The following MTNR1B variants were observed in gnomAD, a reference collection of about 807,000 sequenced individuals.
The protein encoded by MTNR1B is melatonin receptor type 1B.
MTNR1B carries 7 observed loss-of-function variants against 7.0 expected under a neutral mutation model. That is an observed-to-expected ratio of 1.00 (90% CI 0.57 to 1.88). MTNR1B has a LOEUF of 1.88. Among genes scored for constraint, MTNR1B ranks in the 40% most tolerant of loss-of-function variants. The pLI, the probability that MTNR1B is intolerant of heterozygous loss-of-function variation, is 0.00. For synonymous variants in MTNR1B, 226 were observed against 208.2 expected (o/e 1.09, Z -0.74); for missense variants, 478 against 486.5 (o/e 0.98, Z 0.16).
In MTNR1B at chr11:92,981,655, C is replaced by T. The variant is rs1416779600; in HGVS notation, c.432C>T (p.His144=). The change falls in exon 2 of 2, where the codon CAC becomes CAT. Residue 144 remains histidine (H), a synonymous_variant. Coordinates refer to ENST00000257068, the MANE Select transcript of MTNR1B (RefSeq NM_005959.5). The stretch of plus-strand genomic sequence containing the variant: ...TTAACCGCTACTGCTACATCTGCCA[C>T]AGCATGGCCTACCACCGAATCTACC... The part of the protein sequence containing the change: ...IAINRYCYIC[H]SMAYHRIYRR... The T allele has an allele frequency of 5.0e-6, 8 of 1,614,200 alleles. No homozygotes were observed. The highest frequency in any genetic ancestry group is 1.1e-5 in the South Asian group (1 of 91,084).
downstream of MTNR1B, among the ~76,000 whole-genome samples, chr11:92,983,418 T>C (rs1467360536): frequency 3.3e-5 from 5 of 149,544 alleles, no homozygotes; most frequent in Non-Finnish European, 5.9e-5. Context: ...GAGGCTGAGG[T>C]GGGAGGATCA....
Position 92,982,324 on chromosome 11 carries a change from G to C in MTNR1B, c.*12G>C, listed in dbSNP as rs1858126386. 1 of 1,602,428 alleles carries C rather than the reference G, an allele frequency of 6.2e-7. No homozygotes were observed. The highest frequency in any genetic ancestry group is 1.3e-5 in the African/African-American group (1 of 74,316). On this transcript the variant is annotated 3_prime_UTR_variant, in exon 2 of 2. Transcript: ENST00000257068. The stretch of plus-strand genomic sequence containing the variant: ...CAGATGCTCTCTAGCCTGGATCTGA[G>C]GCACACCAGCAGCATGACAAACTCA...
intron 1 of MTNR1B, among the ~76,000 whole-genome samples, chr11:92,975,698 G>T (rs1858000445): frequency 6.6e-6 from 1 of 152,178 alleles, no homozygotes; most frequent in Non-Finnish European, 1.5e-5. Context: ...GACAGCAAAT[G>T]ATGCTTAATA....
rs186765298 is a variant in MTNR1B, at chr11:92,971,286, A to G, written c.223+1338A>G. On this transcript the variant is annotated intron_variant, in intron 1 of 1. Transcript: ENST00000257068. ...AACTCTAGGATTTTTAGCTAAAAAA[A>G]CAAACAAGAAACTCCTCCAACTGTG... 1.5e-3 allele frequency among the ~76,000 whole-genome samples: 229 copies of G among 152,262 alleles called. 2 individuals carry two copies. Among genetic ancestry groups the G allele is most frequent in the Non-Finnish European group, 6.9e-4 (47 of 68,018 alleles).
chr11:92,981,415 C>T lies in MTNR1B; in HGVS notation c.224-32C>T, dbSNP rs139412849. Reference sequence around the variant, plus strand: ...CTACAGAATCTAAGTCGTGGGGTCTCGTGCTGACTGTTGCTCTGTTTGCTG... The same window carrying T: ...CTACAGAATCTAAGTCGTGGGGTCTTGTGCTGACTGTTGCTCTGTTTGCTG... On this transcript the variant is annotated intron_variant, in intron 1 of 1. Coordinates refer to ENST00000257068, the MANE Select transcript of MTNR1B (RefSeq NM_005959.5). 5.0e-4 allele frequency: 793 copies of T among 1,592,692 alleles called. 8 individuals are homozygous for T. Among genetic ancestry groups the T allele is most frequent in the Middle Eastern group, 8.4e-4 (5 of 5,938 alleles).
chr11:92,977,867 C>CTGTT (rs1406777401), intron 1 of MTNR1B, among the ~76,000 whole-genome samples: 3 of 152,218 alleles, frequency 2.0e-5, no homozygotes, highest in African/African-American at 7.2e-5. Context: ...AAGTTTAACA[C>CTGTT]TGTTAGAAAA....
chr11:92,978,881 A>G (rs1858053236), intron 1 of MTNR1B, among the ~76,000 whole-genome samples: 1 of 152,156 alleles, frequency 6.6e-6, no homozygotes, highest in Non-Finnish European at 1.5e-5. Flanking sequence ...TCACAGGGAA[A>G]CAGCTGGCAG....
In MTNR1B at chr11:92,971,252, C is replaced by T. The variant is rs1168777184; in HGVS notation, c.223+1304C>T. 1.1e-4 allele frequency among the ~76,000 whole-genome samples: 17 copies of T among 152,106 alleles called. 1 individual carries two copies. Among genetic ancestry groups the T allele is most frequent in the Admixed American group, 9.2e-4 (14 of 15,264 alleles). On this transcript the variant is annotated intron_variant, in intron 1 of 1. Coordinates refer to ENST00000257068, the MANE Select transcript of MTNR1B (RefSeq NM_005959.5). ...CTGGAATTACAGGCATGAGCCACTG[C>T]GCCCGGCCAACTCTAGGATTTTTAG...
At chr11:92,977,199 T>C (rs1858022772) in intron 1 of MTNR1B, among the ~76,000 whole-genome samples, 1 of 152,236 alleles carries the variant, frequency 6.6e-6, no homozygotes, top group African/African-American at 2.4e-5. Flanking sequence ...GTTTTTGTTT[T>C]CTAATTAAAT....
Position 92,981,859 on chromosome 11 carries a change from T to G in MTNR1B, c.636T>G (p.Pro212=). The G allele has an allele frequency of 6.2e-7, 1 of 1,614,208 alleles. No homozygotes were observed. ...TGGTGGTCATCCACTTCCTCCTCCC[T>G]ATCGCTGTCGTGTCCTTCTGCTACC... ...AAVVVIHFLL[P]IAVVSFCYLR... is the part of the protein sequence containing the mutation. The change falls in exon 2 of 2, where the codon CCT becomes CCG. Residue 212 remains proline (P), a synonymous_variant. Coordinates refer to ENST00000257068, the MANE Select transcript of MTNR1B (RefSeq NM_005959.5).
rs750653134 is a variant in MTNR1B, at chr11:92,981,692, A to G, written c.469A>G (p.Thr157Ala). 6.2e-7 allele frequency: 1 copy of G among 1,613,956 alleles called. No individual in the cohort carries two copies. The highest frequency in any genetic ancestry group is 1.1e-5 in the South Asian group (1 of 91,066). ...CCACCGAATCTACCGGCGCTGGCAC[A>G]CCCCTCTGCACATCTGCCTCATCTG... ...AYHRIYRRWH[T>A]PLHICLIWLL... The change falls in exon 2 of 2, where the codon ACC (threonine) becomes GCC (alanine). Residue 157 changes from threonine (T) to alanine (A), a missense_variant. Coordinates refer to ENST00000257068, the MANE Select transcript of MTNR1B (RefSeq NM_005959.5).
chr11:92,971,922 C>T (rs2136508988), intron 1 of MTNR1B, among the ~76,000 whole-genome samples: 1 of 152,028 alleles, frequency 6.6e-6, no homozygotes, highest in East Asian at 1.9e-4. Context: ...AGCCCAGCAC[C>T]CGAACAAAAA....
chr11:92,981,490 G>A lies in MTNR1B; in HGVS notation c.267G>A (p.Val89=). The change falls in exon 2 of 2, where the codon GTG becomes GTA. Residue 89 remains valine (V), a synonymous_variant. Transcript: ENST00000257068. ...GTCTGGCATTGGCTGACCTGGTGGTGGCCTTCTACCCCTACCCGCTAATCC... is the reference window on the plus strand; with the variant it reads ...GTCTGGCATTGGCTGACCTGGTGGTAGCCTTCTACCCCTACCCGCTAATCC... ...LVSLALADLV[V]AFYPYPLILV... 6.2e-7 allele frequency: 1 copy of A among 1,614,076 alleles called. No homozygotes were observed. The highest frequency in any genetic ancestry group is 8.5e-7 in the Non-Finnish European group (1 of 1,180,004).
rs886309653 is a variant in MTNR1B, at chr11:92,974,804, G to A, written c.223+4856G>A. Reference sequence around the variant, plus strand: ...TTTTTAGTAGAGACAGGGTTTCACCGTGTTAGCCAGGATGGTCTCGATCTC... The same window carrying A: ...TTTTTAGTAGAGACAGGGTTTCACCATGTTAGCCAGGATGGTCTCGATCTC... On this transcript the variant is annotated intron_variant, in intron 1 of 1. Transcript: ENST00000257068. 1.5e-4 allele frequency among the ~76,000 whole-genome samples: 23 copies of A among 152,186 alleles called. 1 individual carries two copies. The highest frequency in any genetic ancestry group is 3.1e-4 in the African/African-American group (13 of 41,516).
intron 1 of MTNR1B, among the ~76,000 whole-genome samples, chr11:92,973,577 T>G (rs1162645799): frequency 1.3e-5 from 2 of 152,194 alleles, no homozygotes; most frequent in African/African-American, 2.4e-5. Context: ...TTCTGCCCAG[T>G]CAACAGCTGC....
At chr11:92,978,538 A>C (rs956828202) in intron 1 of MTNR1B, among the ~76,000 whole-genome samples, 1 of 152,198 alleles carries the variant, frequency 6.6e-6, no homozygotes, top group African/African-American at 2.4e-5. Context: ...TGTCTGGGGA[A>C]GAAATGGATG....
At chr11:92,976,721 C>G (rs190340683) in intron 1 of MTNR1B, among the ~76,000 whole-genome samples, 51 of 152,282 alleles carry the variant, frequency 3.3e-4, no homozygotes, top group African/African-American at 1.2e-3. Flanking sequence ...CTTTTCTGTC[C>G]TTTCTCACTT....
chr11:92,984,469 C>CTTTG (rs11282258), downstream of MTNR1B, among the ~76,000 whole-genome samples: 59 of 152,072 alleles, frequency 3.9e-4, no homozygotes, highest in East Asian at 3.7e-3. Context: ...TAAGGATTCT[C>CTTTG]AGCCACTTTT....
At chr11:92,981,006 G>A (rs1431005126) in intron 1 of MTNR1B, among the ~76,000 whole-genome samples, 1 of 152,164 alleles carries the variant, frequency 6.6e-6, no homozygotes, top group East Asian at 1.9e-4. Context: ...AGGAGGTGAG[G>A]GAATGTGAGG....
Sources: gnomAD v4.1 joint callset for allele counts (sites outside exome capture counted in the v4.1 genomes callset) on GRCh38, gnomAD v4.1.1 for gene constraint, MANE v1.5 for transcripts, NCBI Gene and HGNC (gene_info 2026-07-23, HGNC 2026-07-21) for gene names.